SLC44A3: variants seen among roughly 807,000 people sequenced by gnomAD.
SLC44A3 encodes the protein solute carrier family 44 member 3.
A neutral mutation model predicts 75.4 loss-of-function variants in SLC44A3; 74 were observed. The observed-to-expected ratio is 0.98, with a 90% confidence interval of 0.81 to 1.19. The LOEUF (loss-of-function observed/expected upper bound fraction) is 1.19, where lower values mean the gene tolerates loss of function less well. Ranked by LOEUF, SLC44A3 falls within the 50% of genes most tolerant of loss-of-function variation. SLC44A3 has a pLI of 0.00. For synonymous variants in SLC44A3, 310 were observed against 296.9 expected (o/e 1.04, Z -0.45); for missense variants, 700 against 778.6 (o/e 0.90, Z 1.20).
chr1:94,851,409 G>A (rs1665199954), intron 9 of SLC44A3, among the ~76,000 whole-genome samples: 1 of 152,184 alleles, frequency 6.6e-6, no homozygotes, highest in South Asian at 2.1e-4. Flanking sequence ...GGGCATAGAG[G>A]CAGTGAATAA....
intron 9 of SLC44A3, among the ~76,000 whole-genome samples, chr1:94,852,855 G>T (rs189871582): frequency 1.2e-3 from 179 of 152,294 alleles, no homozygotes; most frequent in South Asian, 9.3e-3. Context: ...ACTGATATAT[G>T]GGGCAAGAAT....
intron 12 of SLC44A3, among the ~76,000 whole-genome samples, chr1:94,883,189 T>A (rs1415565766): frequency 6.6e-6 from 1 of 151,858 alleles, no homozygotes; most frequent in Admixed American, 6.6e-5. Context: ...GTGGCAGTGC[T>A]GGATACACCT....
intron 12 of SLC44A3, among the ~76,000 whole-genome samples, chr1:94,878,716 G>C (rs567330310): frequency 3.9e-5 from 6 of 152,210 alleles, no homozygotes; most frequent in African/African-American, 1.4e-4. Context: ...CATAAACATA[G>C]ATACACTGTG....
chr1:94,849,834 T>C (rs889723097), intron 9 of SLC44A3, among the ~76,000 whole-genome samples: 2 of 152,336 alleles, frequency 1.3e-5, no homozygotes, highest in African/African-American at 4.8e-5. Flanking sequence ...AAGTGTAGCA[T>C]CAACCTCCCG....
chr1:94,857,607 G>C, intron 10 of SLC44A3, 107 bp downstream of exon 10: 1 of 1,201,874 alleles, frequency 8.3e-7, no homozygotes, highest in Non-Finnish European at 1.1e-6. Flanking sequence ...CCCCTTAAAA[G>C]AAGTTGGCAA....
chr1:94,826,266 C>A (rs1423802391), intron 3 of SLC44A3, among the ~76,000 whole-genome samples: 1 of 152,136 alleles, frequency 6.6e-6, no homozygotes, highest in African/African-American at 2.4e-5. Context: ...TTAATGGGTA[C>A]AGATTTCAGT....
At chr1:94,879,730 T>C (rs559870994) in intron 12 of SLC44A3, among the ~76,000 whole-genome samples, 53 of 150,480 alleles carry the variant, frequency 3.5e-4, no homozygotes, top group Non-Finnish European at 6.5e-4. Context: ...TCCCAGCTAC[T>C]TGGGAGGCTG....
At chr1:94,880,850 C>G (rs903016180) in intron 12 of SLC44A3, among the ~76,000 whole-genome samples, 1 of 144,844 alleles carries the variant, frequency 6.9e-6, no homozygotes, top group Non-Finnish European at 1.5e-5. Flanking sequence ...CTGAACTCTA[C>G]AGTTAAAAGC....
Position 94,824,540 on chromosome 1 carries a change from C to T in SLC44A3, c.183C>T (p.Leu61=). Residue 61 remains leucine, a synonymous_variant, in exon 3 of 15, where the codon CTC becomes CTT. Coordinates refer to ENST00000271227, the MANE Select transcript of SLC44A3 (RefSeq NM_001114106.3). ...YSVVAGAAGR[L]LFGYDSFGNM... is the part of the protein sequence containing the mutation. ...TGGTGGCTGGAGCCGCGGGAAGACT[C>T]CTCTTTGGCTATGACAGCTTTGGCA... 2 of 1,611,890 alleles carry T rather than the reference C, an allele frequency of 1.2e-6. No individual in the cohort carries two copies. The highest frequency in any genetic ancestry group is 1.7e-6 in the Non-Finnish European group (2 of 1,179,468).
chr1:94,890,480 A>G (rs186664340), intron 12 of SLC44A3, among the ~76,000 whole-genome samples: 7 of 152,310 alleles, frequency 4.6e-5, no homozygotes, highest in Admixed American at 2.6e-4. Context: ...TTAGGCACAT[A>G]GTGCATTTCT....
chr1:94,845,485 G>A lies in SLC44A3; in HGVS notation c.1072+21G>A, dbSNP rs755703955. On this transcript the variant is annotated intron_variant, in intron 9 of 14. Coordinates refer to ENST00000271227, the MANE Select transcript of SLC44A3 (RefSeq NM_001114106.3). ...TGCAGGTAAGGGACAGTGGGTGTGG[G>A]TTCCATCACCTTGGAGTCATACACA... 4 of 1,595,130 alleles carry A rather than the reference G, an allele frequency of 2.5e-6. No homozygotes were observed. The South Asian group carries it at 4.5e-5, about 18-fold the overall frequency.
intron 10 of SLC44A3, among the ~76,000 whole-genome samples, chr1:94,861,467 C>T (rs945687890): frequency 3.9e-5 from 6 of 152,052 alleles, no homozygotes; most frequent in African/African-American, 1.2e-4. Flanking sequence ...TCCTATTAAG[C>T]CTAGCAGTGA....
chr1:94,847,661 C>G (rs1025333472), intron 9 of SLC44A3, among the ~76,000 whole-genome samples: 1 of 152,182 alleles, frequency 6.6e-6, no homozygotes, highest in African/African-American at 2.4e-5. Flanking sequence ...TGAAGGGAAA[C>G]AAGCCTTTGT....
chr1:94,826,631 C>G (rs533200119), intron 3 of SLC44A3, among the ~76,000 whole-genome samples: 1 of 67,762 alleles, frequency 1.5e-5, no homozygotes, highest in South Asian at 7.7e-4. Flanking sequence ...GAGCGAGACT[C>G]TGTCTCAAAA....
intron 1 of SLC44A3, 183 bp from the exon 2 acceptor site, chr1:94,820,766 G>T (rs912903886): frequency 1.0e-5 from 14 of 1,406,424 alleles, no homozygotes; most frequent in African/African-American, 4.3e-5. Flanking sequence ...GCTCCGCGCA[G>T]AGCAGGTGTT....
chr1:94,867,547 G>C, intron 12 of SLC44A3, 130 bp downstream of exon 12: 1 of 557,004 alleles, frequency 1.8e-6, no homozygotes, highest in East Asian at 3.2e-5. Flanking sequence ...TTTCAGACCA[G>C]TCTCTCTGTC....
At chr1:94,838,027 G>A (rs970060218) in intron 6 of SLC44A3, among the ~76,000 whole-genome samples, 156 bp downstream of exon 6, 13 of 152,204 alleles carry the variant, frequency 8.5e-5, no homozygotes, top group African/African-American at 3.1e-4. Context: ...AAGTGGGATG[G>A]GGGCAATACG....
intron 12 of SLC44A3, among the ~76,000 whole-genome samples, chr1:94,883,633 G>A (rs763443263): frequency 6.6e-6 from 1 of 151,970 alleles, no homozygotes; most frequent in Admixed American, 6.6e-5. Context: ...AGGAGAAGGC[G>A]TGAGAGGACT....
At chr1:94,886,413 G>A (rs1007160385) in intron 12 of SLC44A3, among the ~76,000 whole-genome samples, 3 of 152,094 alleles carry the variant, frequency 2.0e-5, no homozygotes, top group South Asian at 2.1e-4. Context: ...GCTGACCCCC[G>A]ACTCTTCCAG....
Sources: allele counts gnomAD v4.1 joint callset (sites outside exome capture counted in the v4.1 genomes callset), GRCh38; gene constraint gnomAD v4.1.1; transcripts MANE v1.5; gene names NCBI Gene and HGNC (gene_info 2026-07-23, HGNC 2026-07-21).